Variants in OXNAD1 observed in about 807,000 individuals in gnomAD.
The protein encoded by OXNAD1 is oxidoreductase NAD binding domain containing 1.
In OXNAD1, 34 loss-of-function variants were observed where a neutral mutation model predicts 32.9. That is an observed-to-expected ratio of 1.03 (90% CI 0.79 to 1.38). OXNAD1 has a LOEUF of 1.38. OXNAD1 is among the 40% of genes most tolerant of loss of function. The probability of loss-of-function intolerance (pLI) is 0.00; values close to 1 mark genes in which losing one functional copy is unlikely to be tolerated. For missense variants in OXNAD1, 407 were observed against 379.4 expected, an observed-to-expected ratio of 1.07 and a Z score of -0.60; for synonymous variants, 134 against 135.2, an observed-to-expected ratio of 0.99 and a Z score of 0.06.
chr3:16,326,142 T>C lies in OXNAD1; in HGVS notation c.*31-10970T>C, dbSNP rs375399270. On this transcript the variant is annotated intron_variant, in intron 9 of 9. Coordinates refer to the OXNAD1 transcript ENST00000435829. ...TAATTTGGATAGTAAGCCCAACATA[T>C]AGATGGAGGGCCTTTTATGGTTGGT... Among the ~76,000 whole-genome samples, 18 of 152,284 alleles carry C rather than the reference T, an allele frequency of 1.2e-4. 2 individuals carry two copies. The highest frequency in any genetic ancestry group is 1.9e-4 in the East Asian group (1 of 5,190).
Position 16,280,507 on chromosome 3 carries a change from T to C in OXNAD1, c.184-5835T>C, listed in dbSNP as rs1197953332. ...TGATACTCTGCTACCATTTAAATAATGTCTCTGGGTCTCGGTGTCTTTGTG... is the reference window on the plus strand; with the variant it reads ...TGATACTCTGCTACCATTTAAATAACGTCTCTGGGTCTCGGTGTCTTTGTG... On this transcript the variant is annotated intron_variant, in intron 4 of 8. Transcript: ENST00000285083. The surrounding 1 kb of genome is among the most constrained non-coding windows in gnomAD (Gnocchi z 4.5). Among the ~76,000 whole-genome samples the C allele has an allele frequency of 6.6e-6, 1 of 152,126 alleles. No individual in the cohort carries two copies. Among genetic ancestry groups the C allele is most frequent in the African/African-American group, 2.4e-5 (1 of 41,424 alleles).
At position 16,314,163 on chromosome 3, in the gene OXNAD1, G is replaced by T. The variant is rs2068170057; in HGVS notation, c.*30+10571G>T. Among the ~76,000 whole-genome samples the T allele has an allele frequency of 6.6e-6, 1 of 152,060 alleles. No homozygotes were observed. The highest frequency in any genetic ancestry group is 2.1e-4 in the South Asian group (1 of 4,816). ...ACAGACTTAACTGCCAAGTGCACAA[G>T]CTTCCTCATGCCAAACCCTGTATGT... On this transcript the variant is annotated intron_variant, in intron 9 of 9. Coordinates refer to the OXNAD1 transcript ENST00000435829. The surrounding 1 kb of genome is among the most constrained non-coding windows in gnomAD (Gnocchi z 4.4).
At chr3:16,268,046 A>G (rs1161310214) in intron 1 of OXNAD1, among the ~76,000 whole-genome samples, 2 of 152,170 alleles carry the variant, frequency 1.3e-5, no homozygotes, top group Admixed American at 1.3e-4. Flanking sequence ...CATTGATGGG[A>G]TGGTCTACTT....
downstream of OXNAD1, among the ~76,000 whole-genome samples, chr3:16,338,456 C>T (rs570322474): frequency 2.0e-5 from 3 of 152,352 alleles, no homozygotes; most frequent in East Asian, 3.9e-4. The surrounding 1 kb of genome is among the most constrained non-coding windows in gnomAD (Gnocchi z 5.3). Flanking sequence ...ATCGGGACCA[C>T]GTATGCAATA....
chr3:16,300,254 G>C (rs1022252043), intron 6 of OXNAD1, among the ~76,000 whole-genome samples: 2 of 152,134 alleles, frequency 1.3e-5, no homozygotes, highest in African/African-American at 4.8e-5. Context: ...AGAAATAAAA[G>C]AAAGTGATCC....
downstream of OXNAD1, among the ~76,000 whole-genome samples, chr3:16,310,571 C>T (rs1192088462): frequency 6.6e-6 from 1 of 152,182 alleles, no homozygotes; most frequent in Non-Finnish European, 1.5e-5. Flanking sequence ...TGTTTTAAAA[C>T]TGTCTCTGGA....
Position 16,284,011 on chromosome 3 carries a change from G to A in OXNAD1, c.184-2331G>A, listed in dbSNP as rs1217136432. ...TTAAGGTGAGCATCAAGGAAAAAGG[G>A]AAGATTCTGTGGGCTATAGAAGAGC... On this transcript the variant is annotated intron_variant, in intron 4 of 8. Coordinates refer to ENST00000285083, the MANE Select transcript of OXNAD1 (RefSeq NM_138381.5). The surrounding 1 kb of genome is among the most constrained non-coding windows in gnomAD (Gnocchi z 4.1). 6.6e-6 allele frequency among the ~76,000 whole-genome samples: 1 copy of A among 152,200 alleles called. No individual in the cohort carries two copies. Among genetic ancestry groups the A allele is most frequent in the Non-Finnish European group, 1.5e-5 (1 of 68,048 alleles).
At chr3:16,324,148 T>G (rs950342158) in intron 9 of OXNAD1, among the ~76,000 whole-genome samples, 6 of 152,252 alleles carry the variant, frequency 3.9e-5, no homozygotes, top group African/African-American at 1.4e-4. Flanking sequence ...GATTTTGTAT[T>G]TTATTTTTAA....
rs1193418739 is a variant in OXNAD1, at chr3:16,344,379, TC to T, written c.*31-4796del. On this transcript the variant is annotated intron_variant, in intron 9 of 9. Transcript: ENST00000606098. The surrounding 1 kb of genome is among the most constrained non-coding windows in gnomAD (Gnocchi z 4.4). ...TGCTTCCTATAGGCATCAACTATAATCTAATTTAGAAACAACATGTAAAAAC... is the reference window on the plus strand; with the variant it reads ...TGCTTCCTATAGGCATCAACTATAATTAATTTAGAAACAACATGTAAAAAC... Among the ~76,000 whole-genome samples the T allele has an allele frequency of 2.0e-5, 3 of 151,964 alleles. No individual in the cohort carries two copies. Among genetic ancestry groups the T allele is most frequent in the African/African-American group, 4.8e-5 (2 of 41,340 alleles).
rs1209809749 is a variant in OXNAD1, at chr3:16,312,031, T to A, written c.*30+8439T>A. ...CCTCTGCTGGAGGGACATGCCGCTG[T>A]TGTGCAAGGGCTGGGGAAGCAAGCA... is the stretch of plus-strand genomic sequence containing the variant. On this transcript the variant is annotated intron_variant, in intron 9 of 9. Transcript: ENST00000435829. This position sits in a 1 kb window ranked among gnomAD's most constrained non-coding sequence, Gnocchi z 4.7. Among the ~76,000 whole-genome samples the A allele has an allele frequency of 6.6e-6, 1 of 152,192 alleles. No individual in the cohort carries two copies. The highest frequency in any genetic ancestry group is 1.5e-5 in the Non-Finnish European group (1 of 68,036).
At chr3:16,325,880 G>A (rs962464859) in intron 9 of OXNAD1, among the ~76,000 whole-genome samples, 4 of 152,230 alleles carry the variant, frequency 2.6e-5, no homozygotes, top group African/African-American at 9.6e-5. Flanking sequence ...TGAATATGCA[G>A]TAGGGCTTGG....
Position 16,298,968 on chromosome 3 carries a change from G to A in OXNAD1, c.433-2658G>A, listed in dbSNP as rs372265944. Among the ~76,000 whole-genome samples, 77 of 152,170 alleles carry A rather than the reference G, an allele frequency of 5.1e-4. No individual in the cohort carries two copies. Among genetic ancestry groups the A allele is most frequent in the African/African-American group, 1.8e-3 (75 of 41,510 alleles). On this transcript the variant is annotated intron_variant, in intron 6 of 8. Transcript: ENST00000285083. This position sits in a 1 kb window ranked among gnomAD's most constrained non-coding sequence, Gnocchi z 5.1. ...ACAAAGATGGCTTTTAATTCTTCCC[G>A]GATGCTACCAAATCAGAATACAGAC...
intron 4 of OXNAD1, among the ~76,000 whole-genome samples, chr3:16,285,436 C>T (rs1393806048): frequency 6.6e-6 from 1 of 152,118 alleles, no homozygotes; most frequent in Non-Finnish European, 1.5e-5. Flanking sequence ...GATGAACAGA[C>T]ATAGAAGGTT....
In OXNAD1 at chr3:16,348,947, T is replaced by G. The variant is rs1025081494; in HGVS notation, c.*31-229T>G. ...TGCCAAGGAGGAGGCAGAGGGAAAA[T>G]TCTGGCTAAAAGAGGTAAAAGAGGG... On this transcript the variant is annotated intron_variant, in intron 9 of 9. Coordinates refer to the OXNAD1 transcript ENST00000606098. The surrounding 1 kb of genome is among the most constrained non-coding windows in gnomAD (Gnocchi z 6.3). Among the ~76,000 whole-genome samples the G allele has an allele frequency of 1.3e-5, 2 of 152,000 alleles. No individual in the cohort carries two copies. Among genetic ancestry groups the G allele is most frequent in the Admixed American group, 1.3e-4 (2 of 15,252 alleles).
intron 5 of OXNAD1, among the ~76,000 whole-genome samples, chr3:16,293,812 C>T (rs138553328): frequency 1.3e-3 from 204 of 152,320 alleles, no homozygotes; most frequent in African/African-American, 4.7e-3. Flanking sequence ...TGCCCTTTAT[C>T]AGGTTGAGAA....
downstream of OXNAD1, chr3:16,339,274 C>G (rs2071143776): frequency 6.6e-6 from 1 of 152,292 alleles, no homozygotes; most frequent in Non-Finnish European, 1.5e-5. Context: ...ATGGCTACCA[C>G]AATTCTCACT....
chr3:16,300,075 A>G (rs553857678), intron 6 of OXNAD1, among the ~76,000 whole-genome samples: 6 of 152,194 alleles, frequency 3.9e-5, no homozygotes, highest in Non-Finnish European at 8.8e-5. Context: ...TATGATTAAA[A>G]TTCAGTCTTT....
intron 5 of OXNAD1, among the ~76,000 whole-genome samples, chr3:16,293,947 G>A (rs1292384932): frequency 6.6e-6 from 1 of 152,132 alleles, no homozygotes; most frequent in African/African-American, 2.4e-5. Context: ...ACTGAGTGGT[G>A]TATTACATTT....
downstream of OXNAD1, among the ~76,000 whole-genome samples, chr3:16,309,286 C>G (rs898978128): frequency 3.3e-5 from 5 of 152,126 alleles, no homozygotes; most frequent in Non-Finnish European, 5.9e-5. Flanking sequence ...TGCACATACT[C>G]CTGTAGAATT....
Sources: gnomAD v4.1 joint callset for allele counts (sites outside exome capture counted in the v4.1 genomes callset) on GRCh38, gnomAD v4.1.1 for gene constraint, Gnocchi (gnomAD v3.1) non-coding constraint, MANE v1.5 for transcripts, NCBI Gene and HGNC (gene_info 2026-07-23, HGNC 2026-07-21) for gene names.